The following SNAP91 variants were observed in gnomAD, a reference collection of about 807,000 sequenced individuals.
SNAP91 encodes the protein synaptosome associated protein 91.
In SNAP91, 27 loss-of-function variants were observed where a neutral mutation model predicts 100.3. The observed-to-expected ratio is 0.27, with a 90% CI of 0.20 to 0.37. The LOEUF is 0.37. Ranked by LOEUF, SNAP91 falls within the 10% of genes least tolerant of loss-of-function variation. The pLI is 1.00. For missense variants in SNAP91, 986 were observed against 1,123.7 expected (o/e 0.88, Z 1.75); for synonymous variants, 404 against 398.6 (o/e 1.01, Z -0.16).
At chr6:83,647,025 A>G (rs939157029) in intron 7 of SNAP91, among the ~76,000 whole-genome samples, 3 of 150,962 alleles carry the variant, frequency 2.0e-5, no homozygotes, top group Non-Finnish European at 4.4e-5. Flanking sequence ...TGACTTTTGT[A>G]CATTAACCAT....
Position 83,607,822 on chromosome 6 carries a change from T to C in SNAP91, c.913-14A>G, listed in dbSNP as rs186565740. On this transcript the variant is annotated splice_polypyrimidine_tract_variant and intron_variant, in intron 12 of 29. Transcript: ENST00000369694. ...GGCTGGAGAAGACTGAAAGTGAAGA[T>C]GCACAACACACTTGAGTCAAATATG... The C allele has an allele frequency of 1.2e-4, 175 of 1,485,348 alleles. No homozygotes were observed. The East Asian group carries it at 2.2e-3, about 19-fold the overall frequency. The allele number at this position is 1,485,348 out of a possible 1,614,324, so 92.0% of individuals were successfully genotyped here.
intron 22 of SNAP91, 83 bp downstream of exon 22, chr6:83,591,128 C>A (rs1015177450): frequency 2.2e-6 from 2 of 912,096 alleles, no homozygotes; most frequent in African/African-American, 3.4e-5. Context: ...ATGCACCCTG[C>A]AATTTATGTA....
chr6:83,603,745 G>C (rs2095437667), intron 14 of SNAP91, among the ~76,000 whole-genome samples: 2 of 152,082 alleles, frequency 1.3e-5, no homozygotes, highest in Admixed American at 6.6e-5. Context: ...TAGAGTTCTG[G>C]CTGGATTTCA....
At chr6:83,668,272 C>T (rs1365607813) in intron 2 of SNAP91, among the ~76,000 whole-genome samples, 1 of 152,116 alleles carries the variant, frequency 6.6e-6, no homozygotes, top group Non-Finnish European at 1.5e-5. Context: ...GACAGTGTGG[C>T]AATTTCTCAA....
At position 83,570,407 on chromosome 6, in the gene SNAP91, A is replaced by G. The variant is rs1584470491; in HGVS notation, c.2442+4603T>C. On this transcript the variant is annotated intron_variant, in intron 26 of 29. Coordinates refer to ENST00000369694, the MANE Select transcript of SNAP91 (RefSeq NM_001242792.2). ...ACAGAAAAGAAAATCCCATTTTCTG[A>G]GGAGAAATTCAAGCCAGCTGCATAA... Among the ~76,000 whole-genome samples, 7 of 152,196 alleles carry G rather than the reference A, an allele frequency of 4.6e-5. No homozygotes were observed. The South Asian group carries it at 1.4e-3, about 32-fold the overall frequency.
intron 2 of SNAP91, among the ~76,000 whole-genome samples, chr6:83,667,642 A>AT (rs940098154): frequency 3.3e-5 from 5 of 151,944 alleles, no homozygotes; most frequent in Admixed American, 6.6e-5. Flanking sequence ...TGATTTTTAT[A>AT]TTTTTTTATT....
intron 9 of SNAP91, among the ~76,000 whole-genome samples, chr6:83,621,104 CA>C (rs2096709100): frequency 1.3e-5 from 2 of 152,082 alleles, no homozygotes; most frequent in Non-Finnish European, 2.9e-5. Flanking sequence ...TTGCATGTCA[CA>C]GGGGTACCAC....
At chr6:83,682,144 C>T (rs1435175839) in intron 2 of SNAP91, among the ~76,000 whole-genome samples, 3 of 149,014 alleles carry the variant, frequency 2.0e-5, no homozygotes, top group African/African-American at 7.4e-5. Flanking sequence ...AGGCTTTCTT[C>T]TGTCTACTCT....
At chr6:83,687,268 C>T (rs746422765) in intron 2 of SNAP91, among the ~76,000 whole-genome samples, 3 of 151,914 alleles carry the variant, frequency 2.0e-5, no homozygotes, top group South Asian at 2.1e-4. Flanking sequence ...CCTAATACGG[C>T]GAAAATGAAA....
chr6:83,598,549 T>C (rs2094775624), intron 16 of SNAP91, among the ~76,000 whole-genome samples: 1 of 152,210 alleles, frequency 6.6e-6, no homozygotes, highest in Non-Finnish European at 1.5e-5. Flanking sequence ...TCCATTAAGC[T>C]TTATTTCTAA....
chr6:83,594,535 A>C, intron 16 of SNAP91, 54 bp from the exon 17 acceptor site: 1 of 1,097,756 alleles, frequency 9.1e-7, no homozygotes, highest in South Asian at 1.7e-5. Flanking sequence ...AGAGAAGAAA[A>C]TACAGTAAAA....
intron 8 of SNAP91, among the ~76,000 whole-genome samples, chr6:83,630,852 G>A (rs1384164314): frequency 6.6e-6 from 1 of 151,248 alleles, no homozygotes; most frequent in Non-Finnish European, 1.5e-5. Flanking sequence ...TTTTGCTCTG[G>A]ATCTTGGTTA....
At position 83,554,230 on chromosome 6, in the gene SNAP91, T is replaced by C. The variant is rs1224615895; in HGVS notation, c.*66A>G. 7.8e-6 allele frequency: 2 copies of C among 257,026 alleles called. No homozygotes were observed. The highest frequency in any genetic ancestry group is 7.7e-6 in the Non-Finnish European group (1 of 129,848). The allele number at this position is 257,026 out of a possible 1,614,324, so 15.9% of individuals were successfully genotyped here. A position where few individuals can be genotyped will look rare whatever the true frequency, so the allele number is the denominator to read the frequency against. ...GGCTCCCTTTGAAACTCAGCATCAA[T>C]CTTATTTGAAGTCTCCAAACTCATT... On this transcript the variant is annotated 3_prime_UTR_variant, in exon 30 of 30. Coordinates refer to ENST00000369694, the MANE Select transcript of SNAP91 (RefSeq NM_001242792.2).
chr6:83,618,508 A>C (rs1386492984), intron 9 of SNAP91, among the ~76,000 whole-genome samples: 2 of 151,958 alleles, frequency 1.3e-5, no homozygotes, highest in African/African-American at 4.8e-5. Context: ...TCTAAGTTTA[A>C]AAAATGAATT....
chr6:83,667,108 A>C (rs1341106493), intron 2 of SNAP91, among the ~76,000 whole-genome samples: 3 of 152,142 alleles, frequency 2.0e-5, no homozygotes, highest in Admixed American at 6.6e-5. Context: ...AATATTTTCC[A>C]AATGACTAGC....
At chr6:83,678,947 A>AT in intron 2 of SNAP91, 2 of 998,756 alleles carry the variant, frequency 2.0e-6, no homozygotes, top group Non-Finnish European at 2.5e-6. Context: ...TCTAAGTGAA[A>AT]TGAAAAAAAA....
chr6:83,686,999 A>G (rs1350086373), intron 2 of SNAP91, among the ~76,000 whole-genome samples: 1 of 152,216 alleles, frequency 6.6e-6, no homozygotes, highest in African/African-American at 2.4e-5. Context: ...AGTCCTTCAT[A>G]AAGCTCAAGT....
At chr6:83,562,161 G>T (rs1788880000) in intron 26 of SNAP91, among the ~76,000 whole-genome samples, 1 of 152,006 alleles carries the variant, frequency 6.6e-6, no homozygotes, top group East Asian at 1.9e-4. Context: ...TAAAGAAAAG[G>T]TAACACTTTC....
intron 26 of SNAP91, among the ~76,000 whole-genome samples, chr6:83,567,544 A>G (rs909467530): frequency 6.6e-6 from 1 of 152,192 alleles, no homozygotes; most frequent in Non-Finnish European, 1.5e-5. Context: ...AAAAGAAACT[A>G]CCATGAGAGT....
Sources: allele counts gnomAD v4.1 joint callset (sites outside exome capture counted in the v4.1 genomes callset), GRCh38; gene constraint gnomAD v4.1.1; transcripts MANE v1.5; gene names NCBI Gene and HGNC (gene_info 2026-07-23, HGNC 2026-07-21).